The following PMPCB variants were observed in gnomAD, a reference collection of about 807,000 sequenced individuals.
The protein encoded by PMPCB is peptidase, mitochondrial processing subunit beta, also known as mitochondrial-processing peptidase subunit beta.
A neutral mutation model predicts 61.5 loss-of-function variants in PMPCB; 46 were observed. That is an observed-to-expected ratio of 0.75 (90% CI 0.59 to 0.96). The LOEUF is 0.96. PMPCB is among the 40% of genes least tolerant of loss of function. The pLI is 0.00. For missense variants in PMPCB, 590 were observed against 602.4 expected, an observed-to-expected ratio of 0.98 and a Z score of 0.22; for synonymous variants, 191 against 201.6, an observed-to-expected ratio of 0.95 and a Z score of 0.44.
the PMPCB span, chr7:103,337,662 A>C: frequency 8.4e-7 from 1 of 1,193,378 alleles, no homozygotes; most frequent in East Asian, 2.3e-5. Flanking sequence ...ATGATACTGT[A>C]TATCTTTTAA....
intron 6 of PMPCB, 33 bp downstream of exon 6, chr7:103,304,523 AAC>A (rs774854539): frequency 7.1e-7 from 1 of 1,410,346 alleles, no homozygotes; most frequent in Non-Finnish European, 1.0e-6. Flanking sequence ...AAATGTTTTA[AAC>A]ACAGTTGTTG....
intron 2 of PMPCB, 73 bp downstream of exon 2, chr7:103,298,781 C>A: frequency 7.0e-7 from 1 of 1,433,388 alleles, no homozygotes; most frequent in Non-Finnish European, 9.6e-7. Context: ...TAATCTTTAG[C>A]TTTTTCGTTG....
intron 9 of PMPCB, 116 bp downstream of exon 9, chr7:103,310,591 G>C: frequency 2.8e-6 from 2 of 712,628 alleles, no homozygotes; most frequent in South Asian, 2.4e-5. Flanking sequence ...AAGAGACCTA[G>C]ATAAACAGTA....
chr7:103,304,113 A>G (rs1470588690), intron 5 of PMPCB, 73 bp downstream of exon 5: 13 of 1,221,988 alleles, frequency 1.1e-5, no homozygotes, highest in Non-Finnish European at 1.5e-5. Context: ...CAAATTTTCA[A>G]AAAGTATGTT....
chr7:103,327,547 A>C, intron 12 of PMPCB: 1 of 764,180 alleles, frequency 1.3e-6, no homozygotes, highest in Non-Finnish European at 2.1e-6. Context: ...ATGTTTTAAA[A>C]TGTCAAAGGA....
the PMPCB span, chr7:103,337,685 G>C: frequency 1.4e-6 from 2 of 1,398,290 alleles, no homozygotes; most frequent in Non-Finnish European, 1.0e-6. Flanking sequence ...AGCATAGCCA[G>C]CCTGTTCCTA....
chr7:103,347,355 C>G, the PMPCB span, among the ~76,000 whole-genome samples: 1 of 152,206 alleles, frequency 6.6e-6, no homozygotes, highest in Non-Finnish European at 1.5e-5. Context: ...TATTTGCCCA[C>G]TTAAAAAATC....
chr7:103,337,465 AGCTTGCCATTG>A, the PMPCB span: 1 of 314,464 alleles, frequency 3.2e-6, no homozygotes, highest in Admixed American at 4.9e-5. Flanking sequence ...ATTTTTTAAA[AGCTTGCCATTG>A]GAGGAGTATT....
the PMPCB span, among the ~76,000 whole-genome samples, chr7:103,347,105 A>G: frequency 6.6e-6 from 1 of 152,266 alleles, no homozygotes; most frequent in East Asian, 1.9e-4. Flanking sequence ...CCATTTTATC[A>G]TTTTACATTT....
rs115383824 is a variant in PMPCB at position 103,301,590 on chromosome 7, A to G, written c.457+1283A>G. On this transcript the variant is annotated intron_variant, in intron 4 of 12. Transcript: ENST00000249269. ...TTCTCCTGGCATCTAGCTGGGAACG[A>G]CAGAGCTTCTGCTAGTGGGAGTGGA... is the stretch of plus-strand genomic sequence containing the variant. 2.9e-3 allele frequency among the ~76,000 whole-genome samples: 441 copies of G among 152,304 alleles called. 1 individual carries two copies. The highest frequency in any genetic ancestry group is 9.9e-3 in the African/African-American group (412 of 41,564).
At chr7:103,323,975 G>T (rs543317552) in intron 12 of PMPCB, among the ~76,000 whole-genome samples, 6 of 152,276 alleles carry the variant, frequency 3.9e-5, no homozygotes, top group Admixed American at 3.9e-4. Context: ...GGTAACCCTA[G>T]TAGTGGTTAT....
downstream of PMPCB, among the ~76,000 whole-genome samples, chr7:103,332,465 G>A (rs576752595): frequency 6.6e-6 from 1 of 152,218 alleles, no homozygotes; most frequent in African/African-American, 2.4e-5. Flanking sequence ...AACAGTTTAT[G>A]ATTAACCGAT....
At chr7:103,315,192 C>T (rs113316465), downstream of PMPCB, among the ~76,000 whole-genome samples, 2 of 150,100 alleles carry the variant, frequency 1.3e-5, no homozygotes, top group African/African-American at 2.4e-5. Flanking sequence ...TTGAGTCTTA[C>T]TATGTTTCCT....
downstream of PMPCB, among the ~76,000 whole-genome samples, chr7:103,333,458 G>C (rs1327175142): frequency 2.0e-5 from 3 of 152,158 alleles, no homozygotes; most frequent in Non-Finnish European, 4.4e-5. Context: ...TAATTTCCAA[G>C]TGACTGGTAT....
At chr7:103,312,154 T>C in intron 12 of PMPCB, 23 bp downstream of exon 12, 2 of 1,614,058 alleles carry the variant, frequency 1.2e-6, no homozygotes, top group Non-Finnish European at 1.7e-6. Context: ...TCTTTTCTTC[T>C]ATGCAAAAAG....
At chr7:103,307,785 G>A in intron 7 of PMPCB, 77 bp downstream of exon 7, 2 of 787,134 alleles carry the variant, frequency 2.5e-6, no homozygotes, top group South Asian at 2.9e-5. Context: ...AACAAAATGT[G>A]CATATTTCCA....
chr7:103,299,025 T>C (rs1043987966), intron 2 of PMPCB, among the ~76,000 whole-genome samples: 1 of 152,208 alleles, frequency 6.6e-6, no homozygotes, highest in African/African-American at 2.4e-5. Context: ...TCTTATTTGA[T>C]AAAAAGCAAT....
chr7:103,313,883 T>C lies in PMPCB; in HGVS notation c.*1612T>C. 1 of 985,456 alleles carries C rather than the reference T, an allele frequency of 1.0e-6. No homozygotes were observed. Among genetic ancestry groups the C allele is most frequent in the Non-Finnish European group, 1.2e-6 (1 of 829,924 alleles). 61.0% of individuals were successfully genotyped at this position (985,456 alleles called of 1,614,324 possible). On this transcript the variant is annotated 3_prime_UTR_variant, in exon 13 of 13. Transcript: ENST00000249269. ...TGATTTGGTTAAGTTAATGGACTTC[T>C]GGCAATTTAGTTATTTCAGACTATG... is the stretch of plus-strand genomic sequence containing the variant.
chr7:103,345,700 C>T, the PMPCB span, among the ~76,000 whole-genome samples: 3 of 151,686 alleles, frequency 2.0e-5, no homozygotes, highest in Admixed American at 2.0e-4. Flanking sequence ...AAGGGATCCT[C>T]CTGCCTCAGT....
Sources: allele counts gnomAD v4.1 joint callset (sites outside exome capture counted in the v4.1 genomes callset), GRCh38; gene constraint gnomAD v4.1.1; transcripts MANE v1.5; gene names NCBI Gene and HGNC (gene_info 2026-07-23, HGNC 2026-07-21).